The following PRKCE variants were observed in gnomAD, a reference collection of about 807,000 sequenced individuals.
The protein encoded by PRKCE is protein kinase C epsilon type.
Under a neutral mutation model 85.4 loss-of-function variants are expected in PRKCE, and 16 were observed. The ratio of observed to expected loss-of-function variants is 0.19; its 90% CI spans 0.13 to 0.28. PRKCE has a LOEUF of 0.28. Among genes scored for constraint, PRKCE ranks in the 10% least tolerant of loss-of-function variants. PRKCE has a pLI of 1.00. For synonymous variants in PRKCE, 388 were observed against 371.5 expected (o/e 1.04, Z -0.51); for missense variants, 573 against 975.2 (o/e 0.59, Z 5.49).
intron 2 of PRKCE, among the ~76,000 whole-genome samples, chr2:45,935,732 C>T (rs956178080): frequency 1.3e-5 from 2 of 150,448 alleles, no homozygotes; most frequent in Middle Eastern, 7.0e-3. Flanking sequence ...TTGCAGTGAG[C>T]CAAGATCATG....
At chr2:45,944,655 AT>A (rs71394861) in intron 2 of PRKCE, among the ~76,000 whole-genome samples, 33 of 75,616 alleles carry the variant, frequency 4.4e-4, no homozygotes, top group African/African-American at 4.3e-4. Flanking sequence ...TACCCGGCTA[AT>A]TTTTTTTTTT....
chr2:46,047,076 G>T (rs186686140), intron 10 of PRKCE, among the ~76,000 whole-genome samples: 21 of 152,242 alleles, frequency 1.4e-4, no homozygotes, highest in African/African-American at 5.1e-4. Flanking sequence ...TCTGATATTC[G>T]AGAAATGATT....
chr2:45,748,940 A>G (rs1683342851), intron 1 of PRKCE, among the ~76,000 whole-genome samples: 1 of 148,212 alleles, frequency 6.7e-6, no homozygotes, highest in South Asian at 2.1e-4. Context: ...CCCAGGCTGG[A>G]GTACAGTGGT....
At chr2:46,133,284 C>T (rs973218109) in intron 11 of PRKCE, among the ~76,000 whole-genome samples, 2 of 152,118 alleles carry the variant, frequency 1.3e-5, no homozygotes. Context: ...CTTGGAGCTA[C>T]AAATCACTGG....
intron 1 of PRKCE, among the ~76,000 whole-genome samples, chr2:45,706,017 C>T (rs990969733): frequency 1.3e-5 from 2 of 152,138 alleles, no homozygotes; most frequent in Admixed American, 1.3e-4. Context: ...AACAAAGGGA[C>T]CTGGTCCCCT....
In PRKCE at chr2:46,145,024, C is replaced by T; in HGVS notation, c.1593-69C>T. 4.4e-6 allele frequency: 7 copies of T among 1,583,596 alleles called. No individual in the cohort carries two copies. The highest frequency in any genetic ancestry group is 1.7e-6 in the Non-Finnish European group (2 of 1,167,788). The stretch of plus-strand genomic sequence containing the variant: ...GAGATTTCCCTAAGATAGGCACATA[C>T]CTCCAACTCAGGAAGACTATATTGG... On this transcript the variant is annotated intron_variant, in intron 11 of 14. Coordinates refer to ENST00000306156, the MANE Select transcript of PRKCE (RefSeq NM_005400.3). The surrounding 1 kb of genome is among the most constrained non-coding windows in gnomAD (Gnocchi z 4.6).
chr2:46,149,528 G>C (rs1328256711), intron 12 of PRKCE, among the ~76,000 whole-genome samples: 1 of 151,998 alleles, frequency 6.6e-6, no homozygotes, highest in Non-Finnish European at 1.5e-5. Flanking sequence ...CTTGTAGAGT[G>C]GACAGCTCAG....
intron 1 of PRKCE, among the ~76,000 whole-genome samples, chr2:45,698,207 C>G (rs537309698): frequency 1.1e-4 from 16 of 152,270 alleles, no homozygotes; most frequent in African/African-American, 3.4e-4. Context: ...GGTTTTGCAA[C>G]GTAGTGATCT....
At chr2:45,723,564 C>T (rs765404004) in intron 1 of PRKCE, among the ~76,000 whole-genome samples, 4 of 152,164 alleles carry the variant, frequency 2.6e-5, no homozygotes, top group East Asian at 3.9e-4. Flanking sequence ...CTCTGCTACT[C>T]AGGACAGCTC....
chr2:46,021,794 C>T (rs575003087), intron 10 of PRKCE, among the ~76,000 whole-genome samples: 1 of 152,282 alleles, frequency 6.6e-6, no homozygotes, highest in East Asian at 1.9e-4. Context: ...CTCACCTCTC[C>T]CCAACGCCCG....
chr2:46,009,455 A>G (rs1705476042), intron 9 of PRKCE, among the ~76,000 whole-genome samples: 1 of 152,246 alleles, frequency 6.6e-6, no homozygotes, highest in Non-Finnish European at 1.5e-5. Context: ...CATTTTAAGT[A>G]AAAATAGCAT....
chr2:45,662,692 C>CTTT lies in PRKCE; in HGVS notation c.348+10252_348+10254dup, dbSNP rs34322525. 4.6e-3 allele frequency among the ~76,000 whole-genome samples: 691 copies of CTTT among 149,104 alleles called. 7 individuals carry two copies. Among genetic ancestry groups the CTTT allele is most frequent in the Middle Eastern group, 0.014 (4 of 284 alleles). On this transcript the variant is annotated intron_variant, in intron 1 of 14. Coordinates refer to ENST00000306156, the MANE Select transcript of PRKCE (RefSeq NM_005400.3). ...TCCCCTGCAAAAGGGCCAGCTCCTG[C>CTTT]TTTTTTTTTTCCCTCTTTGCCTTTC...
chr2:45,995,998 G>A (rs975153307), intron 6 of PRKCE, among the ~76,000 whole-genome samples: 2 of 152,076 alleles, frequency 1.3e-5, no homozygotes, highest in East Asian at 1.9e-4. Context: ...CCATGAATAC[G>A]GTATATCTCT....
chr2:45,823,130 C>T (rs558286290), intron 1 of PRKCE, among the ~76,000 whole-genome samples: 28 of 152,286 alleles, frequency 1.8e-4, no homozygotes, highest in South Asian at 8.3e-4. Context: ...GCTGTCAAGC[C>T]GTGTGCTCCA....
intron 2 of PRKCE, among the ~76,000 whole-genome samples, chr2:45,874,409 G>A (rs1352078021): frequency 1.3e-5 from 2 of 152,234 alleles, no homozygotes; most frequent in Non-Finnish European, 2.9e-5. Context: ...CCATCCTCAG[G>A]CTGAGGGAGG....
intron 2 of PRKCE, among the ~76,000 whole-genome samples, chr2:45,957,463 A>G (rs1030592063): frequency 1.3e-5 from 2 of 149,284 alleles, no homozygotes; most frequent in Admixed American, 6.6e-5. Flanking sequence ...CTGTTGATCT[A>G]TTTGCCTATG....
chr2:45,716,076 C>A (rs1316482093), intron 1 of PRKCE, among the ~76,000 whole-genome samples: 1 of 152,194 alleles, frequency 6.6e-6, no homozygotes, highest in African/African-American at 2.4e-5. Context: ...CCTTTCTCTC[C>A]ATTGTCTTTC....
At position 46,004,750 on chromosome 2, in the gene PRKCE, C is replaced by G; in HGVS notation, c.1063+112C>G. ...GCTTGTTAGCTGAAATAGCTAGCAG[C>G]CCTGGTGGGTTTTCACACACCCGTT... is the stretch of plus-strand genomic sequence containing the variant. On this transcript the variant is annotated intron_variant, in intron 8 of 14. Transcript: ENST00000306156. This position sits in a 1 kb window ranked among gnomAD's most constrained non-coding sequence, Gnocchi z 4.1. The G allele has an allele frequency of 1.1e-6, 1 of 920,038 alleles. No homozygotes were observed. The highest frequency in any genetic ancestry group is 2.1e-5 in the Admixed American group (1 of 46,556). 57.0% of individuals were successfully genotyped at this position (920,038 alleles called of 1,614,324 possible).
chr2:45,847,951 C>G (rs1573593275), intron 2 of PRKCE, among the ~76,000 whole-genome samples: 1 of 152,310 alleles, frequency 6.6e-6, no homozygotes, highest in East Asian at 1.9e-4. Flanking sequence ...ATGGCTAAGT[C>G]TTGGTCTGAA....
Sources: allele counts gnomAD v4.1 joint callset (sites outside exome capture counted in the v4.1 genomes callset), GRCh38; gene constraint gnomAD v4.1.1; non-coding constraint Gnocchi (gnomAD v3.1); transcripts MANE v1.5; gene names NCBI Gene and HGNC (gene_info 2026-07-23, HGNC 2026-07-21).